The following CNTNAP5 variants were observed in gnomAD, a reference collection of about 807,000 sequenced individuals.
The protein encoded by CNTNAP5 is contactin associated protein family member 5.
Under a neutral mutation model 150.2 loss-of-function variants are expected in CNTNAP5, and 72 were observed. That is an observed-to-expected ratio of 0.48 (90% CI 0.40 to 0.58). The LOEUF (loss-of-function observed/expected upper bound fraction) is 0.58. CNTNAP5 is among the 20% of genes least tolerant of loss of function. The probability of loss-of-function intolerance (pLI) is 0.00; values close to 1 mark genes in which losing one functional copy is unlikely to be tolerated. For missense variants in CNTNAP5, 1,636 were observed against 1,626.2 expected (o/e 1.01, Z -0.10); for synonymous variants, 672 against 619.8 (o/e 1.08, Z -1.25).
chr2:124,763,323 G>A (rs577039721), intron 14 of CNTNAP5, among the ~76,000 whole-genome samples: 1 of 152,224 alleles, frequency 6.6e-6, no homozygotes, highest in African/African-American at 2.4e-5. Flanking sequence ...TGAGATAGCC[G>A]ATCTCTTTAT....
intron 1 of CNTNAP5, among the ~76,000 whole-genome samples, chr2:124,180,484 A>T (rs1307419228): frequency 6.6e-6 from 1 of 152,142 alleles, no homozygotes; most frequent in East Asian, 1.9e-4. Context: ...CCTGTTTGCA[A>T]TCTGAATATA....
Position 124,025,366 on chromosome 2 carries a change from T to G in CNTNAP5, c.-285T>G, listed in dbSNP as rs1680850389. On this transcript the variant is annotated 5_prime_UTR_variant, in exon 1 of 24. Transcript: ENST00000682447. ...GCCTGTCGTTCTAATTGGGTTTGGA[T>G]TTGCACCGTTAAGGAGGGGGGAAGA... 2 of 451,014 alleles carry G rather than the reference T, an allele frequency of 4.4e-6. No homozygotes were observed. The highest frequency in any genetic ancestry group is 3.4e-5 in the Admixed American group (1 of 29,746). 27.9% of individuals were successfully genotyped at this position (451,014 alleles called of 1,614,324 possible). A position where few individuals can be genotyped will look rare whatever the true frequency, so the allele number is the denominator to read the frequency against.
chr2:124,413,444 C>A (rs1364073242), intron 3 of CNTNAP5, among the ~76,000 whole-genome samples: 4 of 133,290 alleles, frequency 3.0e-5, no homozygotes, highest in East Asian at 4.3e-4. Flanking sequence ...ATGTTTATTG[C>A]GGCATTATTC....
intron 1 of CNTNAP5, among the ~76,000 whole-genome samples, chr2:124,042,337 C>A (rs566168771): frequency 1.8e-4 from 27 of 152,288 alleles, no homozygotes; most frequent in African/African-American, 6.0e-4. Flanking sequence ...CCCTCCCCAA[C>A]TATTTTCTAT....
chr2:124,314,940 A>G (rs1688926981), intron 3 of CNTNAP5, among the ~76,000 whole-genome samples: 1 of 151,806 alleles, frequency 6.6e-6, no homozygotes, highest in East Asian at 1.9e-4. Flanking sequence ...CTGAATGTGT[A>G]TATAGTATAT....
intron 5 of CNTNAP5, among the ~76,000 whole-genome samples, chr2:124,444,712 A>G (rs1692768289): frequency 6.6e-6 from 1 of 152,244 alleles, no homozygotes; most frequent in African/African-American, 2.4e-5. Context: ...CCTAGCCTAC[A>G]AAGTCCTGCA....
chr2:124,561,847 T>C (rs577212922), intron 10 of CNTNAP5, among the ~76,000 whole-genome samples: 2 of 152,318 alleles, frequency 1.3e-5, no homozygotes, highest in African/African-American at 4.8e-5. Flanking sequence ...TCTTAGTGGC[T>C]TCACAATGAA....
intron 8 of CNTNAP5, among the ~76,000 whole-genome samples, chr2:124,509,875 C>T (rs1381079311): frequency 6.6e-6 from 1 of 152,104 alleles, no homozygotes; most frequent in East Asian, 1.9e-4. Flanking sequence ...TTGGGATTCA[C>T]ACTAGATTGG....
intron 13 of CNTNAP5, among the ~76,000 whole-genome samples, chr2:124,653,014 T>C (rs1271360170): frequency 2.6e-5 from 4 of 152,204 alleles, no homozygotes; most frequent in Non-Finnish European, 5.9e-5. Flanking sequence ...CAGAAAGCAT[T>C]TGCGGAGCAA....
intron 10 of CNTNAP5, among the ~76,000 whole-genome samples, chr2:124,544,061 T>C (rs11896097): frequency 0.42 from 63,967 of 151,744 alleles, 14,048 homozygotes; most frequent in East Asian, 0.64. Flanking sequence ...TTCACAGGTA[T>C]GAAATTACTT....
intron 12 of CNTNAP5, among the ~76,000 whole-genome samples, chr2:124,642,548 A>G (rs1448558316): frequency 6.6e-6 from 1 of 152,180 alleles, no homozygotes; most frequent in Non-Finnish European, 1.5e-5. Flanking sequence ...TTCTCAAGGA[A>G]AAGAGTGCAC....
chr2:124,497,792 T>C (rs1214073250), intron 7 of CNTNAP5, among the ~76,000 whole-genome samples: 1 of 152,216 alleles, frequency 6.6e-6, no homozygotes, highest in Non-Finnish European at 1.5e-5. Context: ...CATTTCAGTC[T>C]ATTCTTTCTA....
At chr2:124,636,845 A>C (rs1279545179) in intron 12 of CNTNAP5, among the ~76,000 whole-genome samples, 1 of 151,668 alleles carries the variant, frequency 6.6e-6, no homozygotes, top group Non-Finnish European at 1.5e-5. Context: ...GTAGCCAGAT[A>C]CCCTTCACGT....
At chr2:124,355,542 T>C (rs1689976565) in intron 3 of CNTNAP5, among the ~76,000 whole-genome samples, 1 of 152,152 alleles carries the variant, frequency 6.6e-6, no homozygotes, top group Non-Finnish European at 1.5e-5. Context: ...CTGCATGATT[T>C]GTCTTTGGTA....
intron 3 of CNTNAP5, among the ~76,000 whole-genome samples, chr2:124,299,939 A>G (rs1239107759): frequency 6.6e-6 from 1 of 151,786 alleles, no homozygotes; most frequent in Non-Finnish European, 1.5e-5. Flanking sequence ...AATACACACC[A>G]CTCTTGCTTG....
At chr2:124,279,891 A>T (rs1432907694) in intron 3 of CNTNAP5, among the ~76,000 whole-genome samples, 1 of 151,942 alleles carries the variant, frequency 6.6e-6, no homozygotes, top group African/African-American at 2.4e-5. Flanking sequence ...CTACATATAC[A>T]TATTATACCT....
chr2:124,631,355 T>C (rs1462808726), intron 12 of CNTNAP5, among the ~76,000 whole-genome samples: 1 of 151,472 alleles, frequency 6.6e-6, no homozygotes, highest in Non-Finnish European at 1.5e-5. Flanking sequence ...CAAAGCAATA[T>C]GGTATTGCTA....
intron 10 of CNTNAP5, among the ~76,000 whole-genome samples, chr2:124,533,327 C>T (rs1355345083): frequency 1.3e-5 from 2 of 152,128 alleles, no homozygotes; most frequent in African/African-American, 4.8e-5. Flanking sequence ...AGCATTTTAA[C>T]ATCAGAATCA....
chr2:124,580,454 C>T (rs1196849113), intron 11 of CNTNAP5, among the ~76,000 whole-genome samples: 4 of 152,258 alleles, frequency 2.6e-5, no homozygotes, highest in African/African-American at 9.6e-5. Flanking sequence ...CTGTACCTCA[C>T]TTCCACTTTC....
Sources: gnomAD v4.1 joint callset for allele counts (sites outside exome capture counted in the v4.1 genomes callset) on GRCh38, gnomAD v4.1.1 for gene constraint, MANE v1.5 for transcripts, NCBI Gene and HGNC (gene_info 2026-07-23, HGNC 2026-07-21) for gene names.